Variants in NKAIN3 observed in about 807,000 individuals in gnomAD.
The protein encoded by NKAIN3 is sodium/potassium-transporting ATPase subunit beta-1-interacting protein 3.
In NKAIN3, 25 loss-of-function variants were observed where a neutral mutation model predicts 30.2. That is an observed-to-expected ratio of 0.83 (90% CI 0.60 to 1.16). NKAIN3 has a LOEUF of 1.16. NKAIN3 is among the 50% of genes most tolerant of loss of function. The probability of loss-of-function intolerance (pLI) is 0.00; values close to 1 mark genes in which losing one functional copy is unlikely to be tolerated. For missense variants in NKAIN3, 225 were observed against 254.1 expected (o/e 0.89, Z 0.78); for synonymous variants, 91 against 89.6 (o/e 1.02, Z -0.09).
At chr8:62,536,129 CA>C (rs775315944) in intron 1 of NKAIN3, among the ~76,000 whole-genome samples, 6 of 151,998 alleles carry the variant, frequency 3.9e-5, no homozygotes, top group Non-Finnish European at 8.8e-5. Flanking sequence ...TGAAAAATTT[CA>C]AAGAAATGAC....
chr8:62,656,918 T>G (rs1812779353), intron 3 of NKAIN3, among the ~76,000 whole-genome samples: 2 of 152,182 alleles, frequency 1.3e-5, no homozygotes, highest in African/African-American at 4.8e-5. Context: ...ACCAAATAAT[T>G]GAAGATTTAA....
At chr8:62,648,687 GC>G (rs1812539118) in intron 3 of NKAIN3, among the ~76,000 whole-genome samples, 1 of 152,132 alleles carries the variant, frequency 6.6e-6, no homozygotes, top group Non-Finnish European at 1.5e-5. Context: ...TTGTCTTCCA[GC>G]CTCTTCCCTT....
chr8:62,971,069 C>CCT lies in NKAIN3; in HGVS notation c.*5666_*5667dup, dbSNP rs199531689. Among the ~76,000 whole-genome samples the CCT allele has an allele frequency of 4.2e-4, 31 of 73,728 alleles. No homozygotes were observed. The highest frequency in any genetic ancestry group is 2.6e-3 in the East Asian group (1 of 384). The allele number at this position is 73,728 out of a possible 152,430, so 48.4% of individuals were successfully genotyped here. On this transcript the variant is annotated 3_prime_UTR_variant, in exon 7 of 7. Coordinates refer to ENST00000623646, the MANE Select transcript of NKAIN3 (RefSeq NM_001304533.3). Reference sequence around the variant, plus strand: ...TTCCCTAGAGACAAGGACCGAGACTCCTCTCATTGCTTCATCCTCTGTGGC... The same window carrying CCT: ...TTCCCTAGAGACAAGGACCGAGACTCCTCTCTCATTGCTTCATCCTCTGTGGC...
chr8:62,889,714 C>A (rs940965677), intron 4 of NKAIN3, among the ~76,000 whole-genome samples: 1 of 152,076 alleles, frequency 6.6e-6, no homozygotes, highest in Non-Finnish European at 1.5e-5. Flanking sequence ...ACATAGAATT[C>A]CAGAGAAGAT....
chr8:62,325,638 AC>A (rs1288432978), intron 1 of NKAIN3, among the ~76,000 whole-genome samples: 28 of 152,030 alleles, frequency 1.8e-4, no homozygotes, highest in African/African-American at 6.8e-4. Context: ...ATCCATGCCA[AC>A]ATCTGTTGTT....
intron 5 of NKAIN3, among the ~76,000 whole-genome samples, chr8:62,929,524 C>G (rs1009710855): frequency 1.3e-5 from 2 of 151,956 alleles, no homozygotes; most frequent in Non-Finnish European, 2.9e-5. Context: ...GCCAAGGTGT[C>G]ATACTGACTG....
chr8:62,547,528 A>T (rs1479679255), intron 1 of NKAIN3, among the ~76,000 whole-genome samples: 1 of 152,220 alleles, frequency 6.6e-6, no homozygotes, highest in Non-Finnish European at 1.5e-5. Context: ...TCTGATGGTG[A>T]GTGAGGAGGT....
intron 3 of NKAIN3, among the ~76,000 whole-genome samples, chr8:62,597,452 G>A (rs538003953): frequency 1.3e-5 from 2 of 152,122 alleles, no homozygotes; most frequent in South Asian, 2.1e-4. Context: ...ATCTCCTAAT[G>A]TGTTTGATAG....
intron 4 of NKAIN3, chr8:62,855,960 G>A (rs1245275720): frequency 1.4e-6 from 1 of 713,960 alleles, no homozygotes; most frequent in African/African-American, 1.7e-5. Context: ...TATGTGCAGA[G>A]CACTAAACAG....
At chr8:62,610,234 A>G (rs1193868905) in intron 3 of NKAIN3, among the ~76,000 whole-genome samples, 1 of 151,836 alleles carries the variant, frequency 6.6e-6, no homozygotes, top group Non-Finnish European at 1.5e-5. Context: ...AATCCCAGCT[A>G]CTTGGGAGGC....
At chr8:62,340,276 C>A (rs1262755575) in intron 1 of NKAIN3, among the ~76,000 whole-genome samples, 1 of 151,872 alleles carries the variant, frequency 6.6e-6, no homozygotes, top group Non-Finnish European at 1.5e-5. Context: ...TCTTCTTGGC[C>A]TCTCTTTTTA....
At chr8:62,707,052 T>TACACACACACACAC (rs1219559233) in intron 3 of NKAIN3, among the ~76,000 whole-genome samples, 114 of 99,248 alleles carry the variant, frequency 1.1e-3, no homozygotes, top group African/African-American at 3.3e-3. Flanking sequence ...CCATCATACA[T>TACACACACACACAC]ACATACACAC....
At chr8:62,716,657 T>A (rs1280829100) in intron 3 of NKAIN3, among the ~76,000 whole-genome samples, 1 of 152,030 alleles carries the variant, frequency 6.6e-6, no homozygotes, top group African/African-American at 2.4e-5. Flanking sequence ...GGCAGAGAGA[T>A]TAATATCATT....
At chr8:62,296,273 A>C (rs890614727) in intron 1 of NKAIN3, among the ~76,000 whole-genome samples, 12 of 152,176 alleles carry the variant, frequency 7.9e-5, no homozygotes, top group Non-Finnish European at 1.0e-4. Flanking sequence ...GAAAAGTAGG[A>C]GGAGGCTGAA....
At chr8:62,315,155 A>C (rs1178070450) in intron 1 of NKAIN3, among the ~76,000 whole-genome samples, 1 of 152,212 alleles carries the variant, frequency 6.6e-6, no homozygotes, top group Non-Finnish European at 1.5e-5. Context: ...TATCTAAGTT[A>C]CAGCTATGGG....
At chr8:62,612,647 T>C (rs1252633280) in intron 3 of NKAIN3, among the ~76,000 whole-genome samples, 1 of 152,026 alleles carries the variant, frequency 6.6e-6, no homozygotes, top group Non-Finnish European at 1.5e-5. Context: ...TGCCAATTTG[T>C]TATTTGCTTT....
At chr8:62,439,356 T>C (rs564346643) in intron 1 of NKAIN3, among the ~76,000 whole-genome samples, 1 of 152,350 alleles carries the variant, frequency 6.6e-6, no homozygotes, top group South Asian at 2.1e-4. Flanking sequence ...ACAATTACTA[T>C]GCAGCTCCAG....
At chr8:62,587,189 A>G (rs537476483) in intron 2 of NKAIN3, among the ~76,000 whole-genome samples, 3 of 151,882 alleles carry the variant, frequency 2.0e-5, no homozygotes, top group Non-Finnish European at 4.4e-5. Flanking sequence ...TTTTATACTC[A>G]TGATCAGATT....
intron 3 of NKAIN3, among the ~76,000 whole-genome samples, chr8:62,624,964 T>C (rs766820596): frequency 1.6e-4 from 24 of 152,054 alleles, no homozygotes; most frequent in Non-Finnish European, 2.9e-4. Flanking sequence ...ACCTAGAATT[T>C]CCATTGCTCT....
Sources: gnomAD v4.1 joint callset for allele counts (sites outside exome capture counted in the v4.1 genomes callset) on GRCh38, gnomAD v4.1.1 for gene constraint, MANE v1.5 for transcripts, NCBI Gene and HGNC (gene_info 2026-07-23, HGNC 2026-07-21) for gene names.